Variants in THSD7A observed in about 807,000 individuals in gnomAD.
THSD7A encodes the protein thrombospondin type 1 domain containing 7A, also known as thrombospondin type-1 domain-containing protein 7A.
THSD7A carries 96 observed loss-of-function variants against 231.3 expected under a neutral mutation model. That is an observed-to-expected ratio of 0.41 (90% CI 0.35 to 0.49). THSD7A has a LOEUF of 0.49. Ranked by LOEUF, THSD7A falls within the 20% of genes least tolerant of loss-of-function variation. The pLI is 0.05. For missense variants in THSD7A, 2,290 were observed against 2,070.2 expected (o/e 1.11, Z -2.06); for synonymous variants, 940 against 743.3 (o/e 1.26, Z -4.30).
At chr7:11,729,012 T>C (rs1781636337) in intron 1 of THSD7A, among the ~76,000 whole-genome samples, 1 of 151,882 alleles carries the variant, frequency 6.6e-6, no homozygotes. Flanking sequence ...TGAAACCATA[T>C]CATTAAAGAA....
chr7:11,653,942 A>G (rs1361030245), intron 1 of THSD7A, among the ~76,000 whole-genome samples: 2 of 151,924 alleles, frequency 1.3e-5, no homozygotes, highest in African/African-American at 4.8e-5. Context: ...ATTATTATTG[A>G]GTAAAAATAT....
chr7:11,380,771 A>G (rs1782481630), intron 24 of THSD7A, among the ~76,000 whole-genome samples: 1 of 152,200 alleles, frequency 6.6e-6, no homozygotes, highest in Admixed American at 6.5e-5. Context: ...CTAAAAGATG[A>G]AAGAAGAATG....
intron 1 of THSD7A, among the ~76,000 whole-genome samples, chr7:11,653,193 T>G (rs1172585858): frequency 6.6e-6 from 1 of 151,968 alleles, no homozygotes; most frequent in Non-Finnish European, 1.5e-5. Flanking sequence ...AGTTATTGTA[T>G]TTTTGTTTAG....
chr7:11,737,740 T>C (rs992473035), intron 1 of THSD7A, among the ~76,000 whole-genome samples: 7 of 151,974 alleles, frequency 4.6e-5, no homozygotes, highest in Non-Finnish European at 1.0e-4. Context: ...TTAAAACAAG[T>C]TTAAAAATGA....
intron 1 of THSD7A, among the ~76,000 whole-genome samples, chr7:11,736,826 A>C (rs1781931828): frequency 6.6e-6 from 1 of 151,990 alleles, no homozygotes; most frequent in Non-Finnish European, 1.5e-5. Context: ...ATCTCATCTT[A>C]AATTGCAGTT....
chr7:11,818,150 A>G (rs1018758706), intron 1 of THSD7A, among the ~76,000 whole-genome samples: 6 of 152,212 alleles, frequency 3.9e-5, no homozygotes, highest in African/African-American at 1.4e-4. Context: ...ACCTACAAAC[A>G]CATCCATCTA....
intron 1 of THSD7A, among the ~76,000 whole-genome samples, chr7:11,675,954 T>C (rs1584192867): frequency 6.6e-6 from 1 of 152,194 alleles, no homozygotes. Flanking sequence ...TCCTGACCCA[T>C]GAGCCTCCTG....
At chr7:11,659,671 G>A (rs1782851934) in intron 1 of THSD7A, among the ~76,000 whole-genome samples, 1 of 151,314 alleles carries the variant, frequency 6.6e-6, no homozygotes, top group Non-Finnish European at 1.5e-5. Context: ...CCAGTGATTA[G>A]GATAGTACAG....
chr7:11,597,787 A>G (rs938902882), intron 2 of THSD7A, among the ~76,000 whole-genome samples: 1 of 152,150 alleles, frequency 6.6e-6, no homozygotes, highest in Non-Finnish European at 1.5e-5. Flanking sequence ...GCATTCCATC[A>G]TCAAATGGAC....
chr7:11,792,168 A>G (rs1401594103), intron 1 of THSD7A, among the ~76,000 whole-genome samples: 1 of 151,662 alleles, frequency 6.6e-6, no homozygotes, highest in African/African-American at 2.4e-5. Context: ...TCACTCTTTC[A>G]TCTCTCCATC....
rs372331452 is a variant in THSD7A, at chr7:11,815,877, C to A, written c.190+15880G>T. On this transcript the variant is annotated intron_variant, in intron 1 of 27. Transcript: ENST00000423059. ...CTCATACCCACCCTTCTTCCCACCCCAAATTATTTCCTACTTTTTGTTACT... is the reference window on the plus strand; with the variant it reads ...CTCATACCCACCCTTCTTCCCACCCAAAATTATTTCCTACTTTTTGTTACT... 8.1e-3 allele frequency among the ~76,000 whole-genome samples: 1,226 copies of A among 152,206 alleles called. 11 individuals are homozygous for A. Among genetic ancestry groups the A allele is most frequent in the African/African-American group, 0.028 (1,177 of 41,534 alleles).
At position 11,636,399 on chromosome 7, in the gene THSD7A, G is replaced by C. The variant is rs1300373333; in HGVS notation, c.753C>G (p.Leu251=). ...AGGGCCCCACATGCAGGCTGTACCT[G>C]AGCTCCTCGGCCTCGCATGGACTGG... is the stretch of plus-strand genomic sequence containing the variant. The part of the protein sequence containing the change: ...CQSSPCEAEE[L]RYSLHVGPWS... Residue 251 remains leucine (L), a synonymous_variant, in exon 2 of 28, where the codon CTC becomes CTG. Transcript: ENST00000423059. This position sits in a 1 kb window ranked among gnomAD's most constrained non-coding sequence, Gnocchi z 10.0. 6.2e-7 allele frequency: 1 copy of C among 1,613,744 alleles called. No individual in the cohort carries two copies. The highest frequency in any genetic ancestry group is 2.2e-5 in the East Asian group (1 of 44,854).
chr7:11,738,459 A>G (rs1204444102), intron 1 of THSD7A, among the ~76,000 whole-genome samples: 1 of 152,068 alleles, frequency 6.6e-6, no homozygotes, highest in Non-Finnish European at 1.5e-5. Context: ...TATAGGTAAG[A>G]TAGTGCTAGC....
At position 11,542,981 on chromosome 7, in the gene THSD7A, A is replaced by G; in HGVS notation, c.1590T>C (p.Asn530=). Residue 530 remains asparagine, a synonymous_variant, in exon 5 of 28, where the codon AAT becomes AAC. Coordinates refer to ENST00000423059, the MANE Select transcript of THSD7A (RefSeq NM_015204.3). ...ACCTACCTTTTTTCCCTTGCTGATC[A>G]TTACAGTTTTCATAAGTACAAGGTC... ...AWGPCTYENC[N]DQQGKKGFKL... 1 of 1,613,648 alleles carries G rather than the reference A, an allele frequency of 6.2e-7. No homozygotes were observed. The highest frequency in any genetic ancestry group is 8.5e-7 in the Non-Finnish European group (1 of 1,179,756).
intron 23 of THSD7A, among the ~76,000 whole-genome samples, chr7:11,390,251 G>A (rs929407993): frequency 2.7e-5 from 4 of 150,454 alleles, no homozygotes; most frequent in Non-Finnish European, 6.0e-5. Context: ...ATCAAAGGCA[G>A]ATTTAGTCTT....
intron 1 of THSD7A, among the ~76,000 whole-genome samples, chr7:11,817,317 C>T (rs1275854813): frequency 6.6e-6 from 1 of 152,228 alleles, no homozygotes; most frequent in Non-Finnish European, 1.5e-5. Context: ...TTGGAACCCA[C>T]AGTCCCACTT....
rs912794403 is a variant in THSD7A at position 11,652,560 on chromosome 7, C to T, written c.191-15599G>A. Among the ~76,000 whole-genome samples the T allele has an allele frequency of 2.2e-4, 34 of 151,712 alleles. 1 individual carries two copies. Among genetic ancestry groups the T allele is most frequent in the Admixed American group, 7.9e-4 (12 of 15,206 alleles). On this transcript the variant is annotated intron_variant, in intron 1 of 27. Coordinates refer to ENST00000423059, the MANE Select transcript of THSD7A (RefSeq NM_015204.3). ...CACCTGAAACTAAATTTCCAACATG[C>T]GAATTGGTATGTATATGTCTGTAAA... is the stretch of plus-strand genomic sequence containing the variant.
intron 1 of THSD7A, among the ~76,000 whole-genome samples, chr7:11,773,285 G>A (rs569173436): frequency 2.0e-5 from 3 of 152,152 alleles, no homozygotes; most frequent in South Asian, 4.1e-4. Context: ...TGTAATCTCA[G>A]CACTTTGGGA....
intron 1 of THSD7A, among the ~76,000 whole-genome samples, chr7:11,761,365 A>C (rs1238159602): frequency 6.6e-6 from 1 of 152,124 alleles, no homozygotes; most frequent in Admixed American, 6.6e-5. Context: ...GTCAATATAT[A>C]ACATCTTTGC....
Sources: allele counts gnomAD v4.1 joint callset (sites outside exome capture counted in the v4.1 genomes callset), GRCh38; gene constraint gnomAD v4.1.1; non-coding constraint Gnocchi (gnomAD v3.1); transcripts MANE v1.5; gene names NCBI Gene and HGNC (gene_info 2026-07-23, HGNC 2026-07-21).